The following UVRAG variants were observed in gnomAD, a reference collection of about 807,000 sequenced individuals.
UVRAG encodes UV radiation resistance associated, also known as UV radiation resistance-associated gene protein.
Under a neutral mutation model 78.0 loss-of-function variants are expected in UVRAG, and 19 were observed. The ratio of observed to expected loss-of-function variants is 0.24; its 90% CI spans 0.17 to 0.36. The LOEUF (loss-of-function observed/expected upper bound fraction) is 0.36, where lower values mean the gene tolerates loss of function less well. UVRAG is among the 10% of genes least tolerant of loss of function. UVRAG has a pLI of 1.00. For missense variants in UVRAG, 740 were observed against 853.8 expected (o/e 0.87, Z 1.66); for synonymous variants, 323 against 324.6 (o/e 1.00, Z 0.05).
At position 76,051,795 on chromosome 11, in the gene UVRAG, C is replaced by T. The variant is rs193136940; in HGVS notation, c.1227-13915C>T. Among the ~76,000 whole-genome samples, 10 of 152,198 alleles carry T rather than the reference C, an allele frequency of 6.6e-5. No individual in the cohort carries two copies. In the East Asian group the frequency reaches 7.7e-4, roughly 12 times the overall value. ...TTTAACCTCTTTTGGTTGGCACATA[C>T]GTCTCATATTTTCTCTTTTTTCTTC... On this transcript the variant is annotated intron_variant, in intron 12 of 14. Coordinates refer to ENST00000356136, the MANE Select transcript of UVRAG (RefSeq NM_003369.4).
chr11:76,013,581 G>A (rs533446036), intron 11 of UVRAG, among the ~76,000 whole-genome samples: 8 of 152,278 alleles, frequency 5.3e-5, no homozygotes, highest in Admixed American at 2.0e-4. Context: ...TTTGGCTGTG[G>A]CAGGTAAAAA....
intron 1 of UVRAG, among the ~76,000 whole-genome samples, chr11:75,819,136 G>A (rs1238884193): frequency 6.6e-6 from 1 of 152,146 alleles, no homozygotes; most frequent in Non-Finnish European, 1.5e-5. Context: ...ATTAAGTCCT[G>A]TTGATTCTAG....
intron 13 of UVRAG, among the ~76,000 whole-genome samples, chr11:76,079,067 T>G (rs1250600450): frequency 6.6e-6 from 1 of 152,234 alleles, no homozygotes; most frequent in Non-Finnish European, 1.5e-5. Flanking sequence ...CTGAGCCCCA[T>G]GTCAGCACCA....
chr11:75,885,870 C>T (rs1947063907), intron 4 of UVRAG, among the ~76,000 whole-genome samples: 1 of 152,088 alleles, frequency 6.6e-6, no homozygotes, highest in South Asian at 2.1e-4. Context: ...ATTCCTAATA[C>T]ATTATTAGAT....
At chr11:76,008,706 T>A in intron 10 of UVRAG, 101 bp from the exon 11 acceptor site, 1 of 587,746 alleles carries the variant, frequency 1.7e-6, no homozygotes, top group East Asian at 2.9e-5. Context: ...TACTTGGAGT[T>A]TAGAACAGTG....
intron 3 of UVRAG, among the ~76,000 whole-genome samples, chr11:75,864,969 A>T (rs1946505627): frequency 6.6e-6 from 1 of 152,196 alleles, no homozygotes; most frequent in Non-Finnish European, 1.5e-5. Context: ...TCTGACGTCA[A>T]AGGAGACATG....
At chr11:75,888,336 G>A (rs1372727164) in intron 4 of UVRAG, among the ~76,000 whole-genome samples, 1 of 151,930 alleles carries the variant, frequency 6.6e-6, no homozygotes, top group Non-Finnish European at 1.5e-5. Flanking sequence ...TAGAGAAGAG[G>A]TCTTGCTATG....
chr11:75,817,564 T>A (rs1009627030), intron 1 of UVRAG, among the ~76,000 whole-genome samples: 1 of 152,174 alleles, frequency 6.6e-6, no homozygotes, highest in Admixed American at 6.5e-5. Context: ...CAAAGCACTT[T>A]TACTTTTGCA....
chr11:75,899,416 G>A (rs1947435042), intron 5 of UVRAG, among the ~76,000 whole-genome samples: 1 of 152,084 alleles, frequency 6.6e-6, no homozygotes, highest in African/African-American at 2.4e-5. Context: ...GAGACACTAT[G>A]TCAGAAAGGT....
At chr11:75,873,278 A>G (rs1184478910) in intron 3 of UVRAG, among the ~76,000 whole-genome samples, 1 of 152,182 alleles carries the variant, frequency 6.6e-6, no homozygotes, top group Non-Finnish European at 1.5e-5. Context: ...CTTGGCCTTA[A>G]ATTTAATATT....
Position 76,140,706 on chromosome 11 carries a change from T to A in UVRAG, c.1398-5T>A, listed in dbSNP as rs1355217314. The A allele has an allele frequency of 1.3e-6, 2 of 1,559,252 alleles. No individual in the cohort carries two copies. The highest frequency in any genetic ancestry group is 2.7e-5 in the African/African-American group (2 of 72,730). ...AGTAACTTCTTGTTTTTGTTTCTCTTCTAGTGACAGACATCACACCTCCAG... is the reference window on the plus strand; with the variant it reads ...AGTAACTTCTTGTTTTTGTTTCTCTACTAGTGACAGACATCACACCTCCAG... On this transcript the variant is annotated splice_polypyrimidine_tract_variant and splice_region_variant and intron_variant, in intron 14 of 14. Coordinates refer to ENST00000356136, the MANE Select transcript of UVRAG (RefSeq NM_003369.4).
intron 14 of UVRAG, among the ~76,000 whole-genome samples, chr11:76,116,946 A>G (rs55968745): frequency 0.012 from 1,754 of 152,344 alleles, 30 homozygotes; most frequent in African/African-American, 0.04. Context: ...ACTCCTGTTA[A>G]GCAAATACAC....
At chr11:76,047,378 C>T (rs1950779544) in intron 12 of UVRAG, among the ~76,000 whole-genome samples, 1 of 152,180 alleles carries the variant, frequency 6.6e-6, no homozygotes, top group East Asian at 1.9e-4. Context: ...GTTTTGACTT[C>T]TCTGCCTCTC....
At chr11:75,959,719 G>T (rs898052975) in intron 6 of UVRAG, among the ~76,000 whole-genome samples, 6 of 152,186 alleles carry the variant, frequency 3.9e-5, no homozygotes, top group African/African-American at 1.4e-4. Context: ...ACTGTTTCAT[G>T]CAAGAGGCCT....
At chr11:75,970,546 C>T (rs1414208940) in intron 7 of UVRAG, among the ~76,000 whole-genome samples, 1 of 152,050 alleles carries the variant, frequency 6.6e-6, no homozygotes, top group African/African-American at 2.4e-5. Context: ...TCCTGGCTAA[C>T]ATGGTGAAAC....
At chr11:76,128,928 C>G (rs556049380) in intron 14 of UVRAG, among the ~76,000 whole-genome samples, 1 of 152,078 alleles carries the variant, frequency 6.6e-6, no homozygotes, top group African/African-American at 2.4e-5. Flanking sequence ...GATGTTTATT[C>G]TATAATTCTT....
chr11:76,106,321 T>A (rs1263495581), intron 13 of UVRAG, among the ~76,000 whole-genome samples: 1 of 152,160 alleles, frequency 6.6e-6, no homozygotes, highest in Non-Finnish European at 1.5e-5. Context: ...AGTGTATAGT[T>A]CTTTGCACCA....
chr11:75,844,923 C>T (rs1014195059), intron 1 of UVRAG, among the ~76,000 whole-genome samples: 1 of 152,158 alleles, frequency 6.6e-6, no homozygotes, highest in Non-Finnish European at 1.5e-5. Flanking sequence ...TCCTTGGCCT[C>T]CCAAAGTGCT....
chr11:75,948,723 C>G (rs1421367726), intron 6 of UVRAG, among the ~76,000 whole-genome samples: 1 of 151,928 alleles, frequency 6.6e-6, no homozygotes, highest in Non-Finnish European at 1.5e-5. Flanking sequence ...ATGTTAATTA[C>G]CCATAGATAC....
Sources: gnomAD v4.1 joint callset for allele counts (sites outside exome capture counted in the v4.1 genomes callset) on GRCh38, gnomAD v4.1.1 for gene constraint, MANE v1.5 for transcripts, NCBI Gene and HGNC (gene_info 2026-07-23, HGNC 2026-07-21) for gene names.